ERBB4: variants seen among roughly 807,000 people sequenced by gnomAD.
ERBB4 encodes the protein erb-b2 receptor tyrosine kinase 4.
A neutral mutation model predicts 158.0 loss-of-function variants in ERBB4; 42 were observed. The observed-to-expected ratio is 0.27, with a 90% CI of 0.21 to 0.34. ERBB4 has a LOEUF of 0.34. ERBB4 is among the 10% of genes least tolerant of loss of function. ERBB4 has a pLI of 1.00. For synonymous variants in ERBB4, 583 were observed against 558.7 expected, an observed-to-expected ratio of 1.04 and a Z score of -0.61; for missense variants, 1,333 against 1,624.1, an observed-to-expected ratio of 0.82 and a Z score of 3.08.
At chr2:211,632,317 T>C (rs1196696233) in intron 16 of ERBB4, among the ~76,000 whole-genome samples, 1 of 152,080 alleles carries the variant, frequency 6.6e-6, no homozygotes, top group Non-Finnish European at 1.5e-5. Flanking sequence ...TTTCAGGAAA[T>C]ATTTTATGTT....
chr2:211,734,909 CAAAAAA>C (rs570006497), intron 5 of ERBB4, among the ~76,000 whole-genome samples: 1 of 69,300 alleles, frequency 1.4e-5, no homozygotes, highest in East Asian at 5.7e-4. Context: ...GAGACTCTGT[CAAAAAA>C]AAAAAAAAAA....
intron 20 of ERBB4, among the ~76,000 whole-genome samples, chr2:211,536,405 T>C (rs2066654342): frequency 6.6e-6 from 1 of 152,018 alleles, no homozygotes; most frequent in African/African-American, 2.4e-5. Flanking sequence ...TCTTCCTGAC[T>C]CAAACTGTGG....
intron 2 of ERBB4, among the ~76,000 whole-genome samples, chr2:211,977,474 C>CT (rs1174436695): frequency 2.1e-5 from 3 of 140,996 alleles, no homozygotes; most frequent in Non-Finnish European, 4.5e-5. Flanking sequence ...CTCAGAGTGC[C>CT]TTTTTTCCCT....
chr2:211,875,564 ATGTTTAG>A (rs1286484561), intron 3 of ERBB4, among the ~76,000 whole-genome samples: 2 of 152,194 alleles, frequency 1.3e-5, no homozygotes, highest in Non-Finnish European at 2.9e-5. Context: ...GATCTGAAAA[ATGTTTAG>A]TGTCTAGTGA....
chr2:212,092,498 G>A (rs1575619714), intron 2 of ERBB4, among the ~76,000 whole-genome samples: 1 of 152,100 alleles, frequency 6.6e-6, no homozygotes, highest in East Asian at 1.9e-4. Flanking sequence ...TCTGACTTTT[G>A]TACCTCTTTA....
At chr2:212,139,616 T>C (rs979892822) in intron 1 of ERBB4, among the ~76,000 whole-genome samples, 18 of 143,722 alleles carry the variant, frequency 1.3e-4, no homozygotes, top group Admixed American at 4.0e-4. Context: ...CGTTTTAAAT[T>C]AATACTTGCA....
At chr2:211,688,844 C>T (rs1417797607) in intron 12 of ERBB4, among the ~76,000 whole-genome samples, 1 of 152,050 alleles carries the variant, frequency 6.6e-6, no homozygotes, top group Non-Finnish European at 1.5e-5. Flanking sequence ...AGAACAGAGA[C>T]TAAATGGAAT....
At chr2:211,454,433 T>C (rs2064328257) in intron 20 of ERBB4, among the ~76,000 whole-genome samples, 2 of 152,236 alleles carry the variant, frequency 1.3e-5, no homozygotes, top group African/African-American at 4.8e-5. Flanking sequence ...TCTGACTCTA[T>C]GCTTTACACT....
In ERBB4 at chr2:211,704,136, G is replaced by T. The variant is rs2073351425; in HGVS notation, c.1257C>A (p.Asn419Lys). ...GTACTCTTCCACCAATGGTCACCAG[G>T]TTAGAAAAAACACTGAAGTCAGTCA... is the stretch of plus-strand genomic sequence containing the variant. ...PNMTDFSVFS[N>K]LVTIGGRVLY... is the part of the protein sequence containing the mutation. Residue 419 changes from asparagine (N) to lysine (K), a missense_variant, in exon 11 of 28, where the codon AAC (asparagine) becomes AAA (lysine). Physicochemically the swap from Asn to Lys is moderately conservative, Grantham distance 94 (BLOSUM62 0). This residue lies in a region of ERBB4 where 438 missense variants were observed against 586.9 expected (regional missense o/e 0.75). Coordinates refer to ENST00000342788, the MANE Select transcript of ERBB4 (RefSeq NM_005235.3). 2 of 1,611,924 alleles carry T rather than the reference G, an allele frequency of 1.2e-6. No homozygotes were observed. The highest frequency in any genetic ancestry group is 1.7e-6 in the Non-Finnish European group (2 of 1,178,072).
chr2:212,224,677 A>T (rs1439733323), intron 1 of ERBB4, among the ~76,000 whole-genome samples: 1 of 152,004 alleles, frequency 6.6e-6, no homozygotes, highest in Non-Finnish European at 1.5e-5. Flanking sequence ...AGAAGCAAAC[A>T]TCATGGTGGC....
chr2:211,468,982 G>T (rs2064767310), intron 20 of ERBB4, among the ~76,000 whole-genome samples: 1 of 150,874 alleles, frequency 6.6e-6, no homozygotes, highest in African/African-American at 2.4e-5. Flanking sequence ...TTGTCAAGTT[G>T]TCTGGTAGAG....
At chr2:212,081,087 A>G (rs1021502744) in intron 2 of ERBB4, among the ~76,000 whole-genome samples, 2 of 152,176 alleles carry the variant, frequency 1.3e-5, no homozygotes, top group African/African-American at 4.8e-5. Context: ...AAGTTATAAA[A>G]TATTTCTGAC....
chr2:212,236,341 T>C (rs2083873014), intron 1 of ERBB4, among the ~76,000 whole-genome samples: 1 of 152,186 alleles, frequency 6.6e-6, no homozygotes, highest in Non-Finnish European at 1.5e-5. Context: ...GGATAAGCTT[T>C]TTGGTGTGCT....
chr2:211,740,622 C>CTTTTT lies in ERBB4; in HGVS notation c.622+10012_622+10016dup, dbSNP rs1169540948. Among the ~76,000 whole-genome samples, 125 of 90,144 alleles carry CTTTTT rather than the reference C, an allele frequency of 1.4e-3. 1 individual carries two copies. The highest frequency in any genetic ancestry group is 3.0e-3 in the East Asian group (9 of 3,024). The allele number at this position is 90,144 out of a possible 152,430, so 59.1% of individuals were successfully genotyped here. ...TTACTTAATTATTTCTTTTCTTTGTCTTTTTTTTTTTTTTTTTTTTTTTGA... is the reference window on the plus strand; with the variant it reads ...TTACTTAATTATTTCTTTTCTTTGTCTTTTTTTTTTTTTTTTTTTTTTTTTTTTGA... On this transcript the variant is annotated intron_variant, in intron 5 of 27. Transcript: ENST00000342788.
intron 19 of ERBB4, among the ~76,000 whole-genome samples, chr2:211,601,099 T>C (rs946883279): frequency 2.0e-5 from 3 of 151,870 alleles, no homozygotes; most frequent in African/African-American, 4.8e-5. Flanking sequence ...CTAAAACATA[T>C]GAAAAAATAT....
intron 19 of ERBB4, among the ~76,000 whole-genome samples, chr2:211,576,167 C>A (rs750011349): frequency 2.0e-5 from 3 of 152,030 alleles, no homozygotes; most frequent in Non-Finnish European, 4.4e-5. Flanking sequence ...TTATAATAAA[C>A]CCTGAAAGAA....
intron 2 of ERBB4, among the ~76,000 whole-genome samples, chr2:212,112,230 T>C (rs902674515): frequency 1.1e-4 from 16 of 152,190 alleles, no homozygotes; most frequent in African/African-American, 3.6e-4. Flanking sequence ...ACTCCTGGCT[T>C]CAAGCAATCA....
At chr2:211,804,434 C>T (rs924712476) in intron 3 of ERBB4, among the ~76,000 whole-genome samples, 7 of 152,232 alleles carry the variant, frequency 4.6e-5, no homozygotes, top group African/African-American at 1.7e-4. Flanking sequence ...TGGTCTTCTA[C>T]TTGTTCTTTG....
chr2:212,403,006 C>A (rs1267256527), intron 1 of ERBB4, among the ~76,000 whole-genome samples: 3 of 151,952 alleles, frequency 2.0e-5, no homozygotes, highest in African/African-American at 7.2e-5. Context: ...AGAAATAAGA[C>A]TAATTATATC....
Sources: gnomAD v4.1 joint callset for allele counts (sites outside exome capture counted in the v4.1 genomes callset) on GRCh38, gnomAD v4.1.1 for gene constraint, gnomAD v4.1.1 regional missense constraint, MANE v1.5 for transcripts, NCBI Gene and HGNC (gene_info 2026-07-23, HGNC 2026-07-21) for gene names.